SFT2D2: variants seen among roughly 807,000 people sequenced by gnomAD.
The protein encoded by SFT2D2 is SFT2 domain containing 2.
Under a neutral mutation model 27.4 loss-of-function variants are expected in SFT2D2, and 21 were observed. The observed-to-expected ratio is 0.77, with a 90% CI of 0.54 to 1.10. The LOEUF is 1.10. Among genes scored for constraint, SFT2D2 ranks in the 50% least tolerant of loss-of-function variants. The pLI is 0.00. For missense variants in SFT2D2, 187 were observed against 194.2 expected (o/e 0.96, Z 0.22); for synonymous variants, 72 against 71.7 (o/e 1.00, Z -0.02).
At position 168,231,850 on chromosome 1, in the gene SFT2D2, G is replaced by A. The variant is rs774877535; in HGVS notation, c.167G>A (p.Trp56Ter). Residue 56 changes from tryptophan (W) to a stop codon, truncating the protein, a stop_gained, in exon 3 of 8, where the codon TGG (tryptophan) becomes TAG (stop). Coordinates refer to ENST00000271375, the MANE Select transcript of SFT2D2 (RefSeq NM_199344.3). LOFTEE classifies it high-confidence loss of function. ...LCSLLGTVLL[W>*]VPRKGLHLFA... ...AAATTCCAGGGTACTGTTCTGCTGT[G>A]GGTGCCCAGGAAGGGACTACACCTC... 1.7e-5 allele frequency: 27 copies of A among 1,613,998 alleles called. No homozygotes were observed. The highest frequency in any genetic ancestry group is 1.5e-4 in the South Asian group (14 of 91,088).
At chr1:168,229,497 T>G (rs556112869) in intron 1 of SFT2D2, 2 of 152,438 alleles carry the variant, frequency 1.3e-5, no homozygotes, top group African/African-American at 4.8e-5. Context: ...AGTCCAATCT[T>G]ACTACCACTT....
At chr1:168,239,910 T>G (rs1647601558) in intron 7 of SFT2D2, among the ~76,000 whole-genome samples, 1 of 151,692 alleles carries the variant, frequency 6.6e-6, no homozygotes, top group Admixed American at 6.6e-5. Context: ...GTGCAGTGGC[T>G]CACGCCTGTA....
chr1:168,246,312 A>G lies in SFT2D2; in HGVS notation c.*3772A>G. The stretch of plus-strand genomic sequence containing the variant: ...GTCAGCTTTGTTGTGAACATCATCC[A>G]GTTGCTGTTGAAGCAACATATTTTG... On this transcript the variant is annotated 3_prime_UTR_variant, in exon 8 of 8. Coordinates refer to ENST00000271375, the MANE Select transcript of SFT2D2 (RefSeq NM_199344.3). 4.6e-6 allele frequency: 2 copies of G among 432,482 alleles called. No individual in the cohort carries two copies. Among genetic ancestry groups the G allele is most frequent in the Admixed American group, 3.8e-5 (1 of 26,238 alleles). The allele number at this position is 432,482 out of a possible 1,614,324, so 26.8% of individuals were successfully genotyped here. A position where few individuals can be genotyped will look rare whatever the true frequency, so the allele number is the denominator to read the frequency against.
intron 3 of SFT2D2, among the ~76,000 whole-genome samples, chr1:168,232,187 G>A (rs1247066003): frequency 6.6e-6 from 1 of 152,154 alleles, no homozygotes; most frequent in African/African-American, 2.4e-5. Flanking sequence ...ATTTCTCCAG[G>A]GTTTACAACC....
At chr1:168,241,799 G>T (rs1385152921) in intron 7 of SFT2D2, among the ~76,000 whole-genome samples, 1 of 152,116 alleles carries the variant, frequency 6.6e-6, no homozygotes, top group Non-Finnish European at 1.5e-5. Context: ...AAAATGCAGT[G>T]CCTACTCATG....
intron 4 of SFT2D2, among the ~76,000 whole-genome samples, chr1:168,235,720 T>A (rs1027643053): frequency 2.0e-5 from 3 of 152,220 alleles, no homozygotes; most frequent in African/African-American, 7.2e-5. Flanking sequence ...TGTTGTATCT[T>A]CCTGTTCCAT....
rs1647512423 is a variant in SFT2D2 at position 168,236,694 on chromosome 1, ATATTAT to A, written c.355-13_355-8del. 7 of 1,613,840 alleles carry A rather than the reference ATATTAT, an allele frequency of 4.3e-6. No homozygotes were observed. Among genetic ancestry groups the A allele is most frequent in the Non-Finnish European group, 5.9e-6 (7 of 1,179,974 alleles). ...CCTTGTCTCACACTCTCCTATAACC[ATATTAT>A]TATTTTTCCAGTGGCATAACAAGGG... On this transcript the variant is annotated splice_polypyrimidine_tract_variant and intron_variant, in intron 5 of 7. Coordinates refer to ENST00000271375, the MANE Select transcript of SFT2D2 (RefSeq NM_199344.3).
chr1:168,229,254 C>T (rs758691423), intron 1 of SFT2D2, among the ~76,000 whole-genome samples: 4 of 152,222 alleles, frequency 2.6e-5, no homozygotes, highest in African/African-American at 9.6e-5. Context: ...GAGTCTCGCT[C>T]TGTCGCCCAG....
rs1245149920 is a variant in SFT2D2 at position 168,251,295 on chromosome 1, A to G, written c.*8755A>G. Reference sequence around the variant, plus strand: ...GCACCCCTGCACTCCAGCCTGAGCAACAGAGTGAGACTCTGTCTCAAAAAT... The same window carrying G: ...GCACCCCTGCACTCCAGCCTGAGCAGCAGAGTGAGACTCTGTCTCAAAAAT... On this transcript the variant is annotated 3_prime_UTR_variant, in exon 8 of 8. Transcript: ENST00000271375. 1 of 152,158 alleles carries G rather than the reference A, an allele frequency of 6.6e-6. No homozygotes were observed. Among genetic ancestry groups the G allele is most frequent in the Non-Finnish European group, 1.5e-5 (1 of 68,024 alleles). The allele number at this position is 152,158 out of a possible 1,614,324, so 9.4% of individuals were successfully genotyped here.
intron 6 of SFT2D2, 118 bp from the exon 7 acceptor site, chr1:168,239,013 A>G (rs1324381410): frequency 2.6e-6 from 2 of 770,060 alleles, no homozygotes; most frequent in Non-Finnish European, 2.3e-6. Context: ...CAGGCTGAGT[A>G]TGGGAGAGGG....
At position 168,245,529 on chromosome 1, in the gene SFT2D2, A is replaced by G. The variant is rs1296797293; in HGVS notation, c.*2989A>G. On this transcript the variant is annotated 3_prime_UTR_variant, in exon 8 of 8. Coordinates refer to ENST00000271375, the MANE Select transcript of SFT2D2 (RefSeq NM_199344.3). ...TTAATTCTTTCCCATATTAATCTAT[A>G]GATATAATGCAGTCCCCATCCAAAG... The G allele has an allele frequency of 2.7e-5, 4 of 150,154 alleles. No homozygotes were observed. Among genetic ancestry groups the G allele is most frequent in the Admixed American group, 1.3e-4 (2 of 15,102 alleles). The allele number at this position is 150,154 out of a possible 1,614,324, so 9.3% of individuals were successfully genotyped here.
At chr1:168,242,452 C>T in intron 7 of SFT2D2, 49 bp from the exon 8 acceptor site, 1 of 1,611,562 alleles carries the variant, frequency 6.2e-7, no homozygotes, top group Non-Finnish European at 8.5e-7. Flanking sequence ...TAAAGGAGTG[C>T]CTTTGGGGTG....
chr1:168,236,811 T>A (rs759365729), intron 6 of SFT2D2, 41 bp downstream of exon 6: 25 of 1,596,026 alleles, frequency 1.6e-5, no homozygotes, highest in Middle Eastern at 1.7e-4. Flanking sequence ...CATAGCCCAC[T>A]GAATAATGTA....
rs1429410204 is a variant in SFT2D2 at position 168,246,526 on chromosome 1, C to T, written c.*3986C>T. On this transcript the variant is annotated 3_prime_UTR_variant, in exon 8 of 8. Transcript: ENST00000271375. ...GTTATGGAGCTCAGTTTTGAGGCAC[C>T]TGGACTTACTCTCAGCTTTAGAAAG... 2.0e-6 allele frequency: 3 copies of T among 1,494,598 alleles called. No individual in the cohort carries two copies. Among genetic ancestry groups the T allele is most frequent in the African/African-American group, 1.4e-5 (1 of 72,386 alleles). 92.6% of individuals were successfully genotyped at this position (1,494,598 alleles called of 1,614,324 possible).
chr1:168,239,844 TTTATCA>T (rs1384489521), intron 7 of SFT2D2, among the ~76,000 whole-genome samples: 1 of 151,830 alleles, frequency 6.6e-6, no homozygotes, highest in East Asian at 1.9e-4. Flanking sequence ...TTTTTTTTTT[TTTATCA>T]TTACCTGTTA....
intron 3 of SFT2D2, 58 bp from the exon 4 acceptor site, chr1:168,235,043 C>T: frequency 6.8e-6 from 10 of 1,464,134 alleles, no homozygotes; most frequent in Non-Finnish European, 8.6e-6. Flanking sequence ...GGAGGCGACT[C>T]AGTGTGCCTA....
intron 1 of SFT2D2, 85 bp from the exon 2 acceptor site, chr1:168,231,429 C>T (rs953244091): frequency 1.7e-6 from 2 of 1,198,100 alleles, no homozygotes; most frequent in South Asian, 2.6e-5. Flanking sequence ...CCTAATACAA[C>T]TTAACACTTT....
chr1:168,229,125 A>C (rs561202596), intron 1 of SFT2D2, among the ~76,000 whole-genome samples: 14 of 152,234 alleles, frequency 9.2e-5, no homozygotes, highest in African/African-American at 3.4e-4. Context: ...AGAGACTTGG[A>C]TATGGAGTGT....
Position 168,239,172 on chromosome 1 carries a change from T to C in SFT2D2, c.443+12T>C. 1 of 1,586,582 alleles carries C rather than the reference T, an allele frequency of 6.3e-7. No individual in the cohort carries two copies. The highest frequency in any genetic ancestry group is 1.3e-5 in the African/African-American group (1 of 74,260). ...ATACCATTTGCAAGGTAAGACTGTG[T>C]ATTTGGAAATAATGATTTCTGTCAT... On this transcript the variant is annotated intron_variant, in intron 7 of 7. Coordinates refer to ENST00000271375, the MANE Select transcript of SFT2D2 (RefSeq NM_199344.3).
Sources: gnomAD v4.1 joint callset for allele counts (sites outside exome capture counted in the v4.1 genomes callset) on GRCh38, gnomAD v4.1.1 for gene constraint, MANE v1.5 for transcripts, NCBI Gene and HGNC (gene_info 2026-07-23, HGNC 2026-07-21) for gene names.